The following PDZD2 variants were observed in gnomAD, a reference collection of about 807,000 sequenced individuals.
The protein encoded by PDZD2 is PDZ domain containing 2.
Under a neutral mutation model 220.7 loss-of-function variants are expected in PDZD2, and 90 were observed. That is an observed-to-expected ratio of 0.41 (90% confidence interval 0.34 to 0.49). PDZD2 has a LOEUF of 0.49. Among genes scored for constraint, PDZD2 ranks in the 20% least tolerant of loss-of-function variants. The probability of loss-of-function intolerance (pLI) is 0.28; values close to 1 mark genes in which losing one functional copy is unlikely to be tolerated. For missense variants in PDZD2, 3,174 were observed against 3,608.5 expected, an observed-to-expected ratio of 0.88 and a Z score of 3.08; for synonymous variants, 1,375 against 1,450.5, an observed-to-expected ratio of 0.95 and a Z score of 1.18.
In PDZD2 at chr5:31,748,730, G is replaced by A. The variant is rs567047090; in HGVS notation, c.-360-50159G>A. Among the ~76,000 whole-genome samples, 21 of 152,356 alleles carry A rather than the reference G, an allele frequency of 1.4e-4. No homozygotes were observed. In the South Asian group the frequency reaches 2.9e-3, roughly 21 times the overall value. ...TGCTTGTCAGCAGCTCTGATCACAC[G>A]CTTGGTTGGGGTGGAGTTTGAAACC... On this transcript the variant is annotated intron_variant, in intron 1 of 24. Coordinates refer to ENST00000438447, the MANE Select transcript of PDZD2 (RefSeq NM_178140.4).
intron 2 of PDZD2, among the ~76,000 whole-genome samples, chr5:31,943,203 CA>C (rs368213219): frequency 2.3e-4 from 33 of 146,082 alleles, no homozygotes; most frequent in South Asian, 6.5e-4. Context: ...ACTGTGTCTC[CA>C]AAAAAAAAAA....
At chr5:31,941,853 G>A (rs144574841) in intron 2 of PDZD2, among the ~76,000 whole-genome samples, 4 of 152,292 alleles carry the variant, frequency 2.6e-5, no homozygotes, top group Non-Finnish European at 4.4e-5. Context: ...ATCAGTCTTC[G>A]CTATAGTCTC....
intron 1 of PDZD2, among the ~76,000 whole-genome samples, chr5:31,767,298 C>T (rs948337192): frequency 3.3e-5 from 5 of 152,224 alleles, no homozygotes; most frequent in Admixed American, 6.5e-5. Context: ...TCCCAAAGTG[C>T]TGGGATTACA....
intron 2 of PDZD2, among the ~76,000 whole-genome samples, chr5:31,904,408 G>C (rs1336085208): frequency 6.6e-6 from 1 of 152,152 alleles, no homozygotes; most frequent in Admixed American, 6.5e-5. Context: ...AAATGAACCA[G>C]TATTTATAAA....
At chr5:31,932,421 T>C (rs1284855396) in intron 2 of PDZD2, among the ~76,000 whole-genome samples, 1 of 152,064 alleles carries the variant, frequency 6.6e-6, no homozygotes, top group African/African-American at 2.4e-5. Context: ...TGGTGGCGTG[T>C]GCCTGTAATC....
At chr5:31,699,022 G>A (rs1327121379) in intron 1 of PDZD2, among the ~76,000 whole-genome samples, 3 of 152,190 alleles carry the variant, frequency 2.0e-5, no homozygotes, top group Non-Finnish European at 4.4e-5. Context: ...ATTGTTGTGC[G>A]TGGACAAGGC....
chr5:31,870,362 C>T (rs964480962), intron 2 of PDZD2, among the ~76,000 whole-genome samples: 6 of 152,260 alleles, frequency 3.9e-5, no homozygotes, highest in Middle Eastern at 3.4e-3. Context: ...ACTGTGGGAG[C>T]GTCTTGCAAT....
At chr5:31,841,833 T>G (rs1465262428) in intron 2 of PDZD2, among the ~76,000 whole-genome samples, 1 of 151,952 alleles carries the variant, frequency 6.6e-6, no homozygotes, top group South Asian at 2.1e-4. Flanking sequence ...TAGCCAGGTA[T>G]GGTGGCGCAT....
chr5:32,098,439 A>C lies in PDZD2; in HGVS notation c.8023A>C (p.Asn2675His). The C allele has an allele frequency of 6.2e-7, 1 of 1,614,126 alleles. No individual in the cohort carries two copies. Among genetic ancestry groups the C allele is most frequent in the Non-Finnish European group, 8.5e-7 (1 of 1,180,012 alleles). Reference sequence around the variant, plus strand: ...CCGAGGGGATTTCCTTCTGTCAGTCAACGGCGCCTCACTGGCTGGCTTAGC... The same window carrying C: ...CCGAGGGGATTTCCTTCTGTCAGTCCACGGCGCCTCACTGGCTGGCTTAGC... ...MNRGDFLLSV[N>H]GASLAGLAHG... Residue 2675 changes from asparagine to histidine, a missense_variant, in exon 23 of 25, where the codon AAC becomes CAC. Asn to His is a moderately conservative substitution (Grantham distance 68). Coordinates refer to ENST00000438447, the MANE Select transcript of PDZD2 (RefSeq NM_178140.4). The surrounding 1 kb of genome is among the most constrained non-coding windows in gnomAD (Gnocchi z 4.1).
chr5:32,010,084 C>CAAAAAAAA (rs57019948), intron 5 of PDZD2, among the ~76,000 whole-genome samples: 4 of 131,992 alleles, frequency 3.0e-5, no homozygotes, highest in Non-Finnish European at 3.1e-5. Context: ...AAGACTGTCT[C>CAAAAAAAA]AAAAAAAAGA....
chr5:31,803,267 T>TTA (rs1214480038), intron 2 of PDZD2, among the ~76,000 whole-genome samples: 3 of 142,708 alleles, frequency 2.1e-5, no homozygotes, highest in African/African-American at 8.0e-5. Context: ...CTGGCTTTTT[T>TTA]TTTTTTTTTT....
At position 31,671,107 on chromosome 5, in the gene PDZD2, C is replaced by T. The variant is rs149979940; in HGVS notation, c.-361+31670C>T. ...CAGGGTGGCTTGGGAGCTAGGACCA[C>T]GATGTCTGCTACAATCCATTCCTAC... On this transcript the variant is annotated intron_variant, in intron 1 of 24. Coordinates refer to ENST00000438447, the MANE Select transcript of PDZD2 (RefSeq NM_178140.4). Among the ~76,000 whole-genome samples the T allele has an allele frequency of 2.7e-3, 412 of 152,210 alleles. 3 individuals are homozygous for T. The highest frequency in any genetic ancestry group is 9.4e-3 in the African/African-American group (389 of 41,530).
At chr5:31,647,344 C>G (rs989007865) in intron 1 of PDZD2, among the ~76,000 whole-genome samples, 1 of 152,222 alleles carries the variant, frequency 6.6e-6, no homozygotes, top group Non-Finnish European at 1.5e-5. Flanking sequence ...ACCCCATATT[C>G]ATTTCCTGGG....
chr5:32,072,400 A>G (rs957127620), intron 17 of PDZD2, 83 bp downstream of exon 17: 7 of 1,110,854 alleles, frequency 6.3e-6, no homozygotes, highest in South Asian at 1.5e-5. Context: ...GGCGGCTACA[A>G]TGGTTTAGCT....
chr5:31,858,318 G>A (rs77181320), intron 2 of PDZD2, among the ~76,000 whole-genome samples: 6,375 of 152,204 alleles, frequency 0.042, 160 homozygotes, highest in Non-Finnish European at 0.054. Flanking sequence ...GGGACACCCA[G>A]TTAATTGGAA....
At chr5:31,684,351 T>G (rs1434479082) in intron 1 of PDZD2, among the ~76,000 whole-genome samples, 1 of 152,152 alleles carries the variant, frequency 6.6e-6, no homozygotes, top group Non-Finnish European at 1.5e-5. Flanking sequence ...GGAGTCATCC[T>G]GGATTCCTTT....
intron 5 of PDZD2, among the ~76,000 whole-genome samples, chr5:32,007,771 G>T (rs1404240984): frequency 6.6e-6 from 1 of 152,162 alleles, no homozygotes; most frequent in Non-Finnish European, 1.5e-5. Flanking sequence ...AGCTCTTCTT[G>T]CTCTCTTTCT....
In PDZD2 at chr5:32,034,187, G is replaced by A. The variant is rs189026903; in HGVS notation, c.1408-3044G>A. Among the ~76,000 whole-genome samples the A allele has an allele frequency of 1.9e-3, 283 of 152,096 alleles. 1 individual carries two copies. Among genetic ancestry groups the A allele is most frequent in the African/African-American group, 6.3e-3 (260 of 41,496 alleles). The stretch of plus-strand genomic sequence containing the variant: ...TAGGCTGGCATGGTTTTCCTTGCTC[G>A]GCATGAGCATCTCAGACAGACTTTC... On this transcript the variant is annotated intron_variant, in intron 6 of 24. Transcript: ENST00000438447.
intron 1 of PDZD2, among the ~76,000 whole-genome samples, chr5:31,754,924 A>G (rs990724774): frequency 6.6e-6 from 1 of 152,248 alleles, no homozygotes; most frequent in African/African-American, 2.4e-5. Flanking sequence ...TAAAAATACC[A>G]ATCTACATAT....
Sources: gnomAD v4.1 joint callset for allele counts (sites outside exome capture counted in the v4.1 genomes callset) on GRCh38, gnomAD v4.1.1 for gene constraint, Gnocchi (gnomAD v3.1) non-coding constraint, MANE v1.5 for transcripts, NCBI Gene and HGNC (gene_info 2026-07-23, HGNC 2026-07-21) for gene names.